The following UPF1 variants were observed in gnomAD, a reference collection of about 807,000 sequenced individuals.
The protein encoded by UPF1 is regulator of nonsense transcripts 1.
UPF1 carries 9 observed loss-of-function variants against 129.2 expected under a neutral mutation model. That is an observed-to-expected ratio of 0.07 (90% CI 0.04 to 0.12). The LOEUF is 0.12. Among genes scored for constraint, UPF1 ranks in the 10% least tolerant of loss-of-function variants. The pLI is 1.00. For missense variants in UPF1, 788 were observed against 1,525.3 expected, an observed-to-expected ratio of 0.52 and a Z score of 8.05; for synonymous variants, 649 against 644.9, an observed-to-expected ratio of 1.01 and a Z score of -0.10.
chr19:18,845,750 C>T (rs557780307), intron 1 of UPF1, among the ~76,000 whole-genome samples: 63 of 151,636 alleles, frequency 4.2e-4, no homozygotes, highest in African/African-American at 1.4e-3. Flanking sequence ...TGTGGCTAGG[C>T]GGGGGTTAGA....
rs1380845771 is a variant in UPF1 at position 18,857,305 on chromosome 19, C to T, written c.1969-15C>T. 2 of 1,603,270 alleles carry T rather than the reference C, an allele frequency of 1.2e-6. No homozygotes were observed. Among genetic ancestry groups the T allele is most frequent in the South Asian group, 2.2e-5 (2 of 89,808 alleles). On this transcript the variant is annotated splice_polypyrimidine_tract_variant and intron_variant, in intron 14 of 23. Coordinates refer to ENST00000262803, the MANE Select transcript of UPF1 (RefSeq NM_002911.4). ...ACCTGAGCTTCTTGACTTGTGGGGG[C>T]CCCTGTTCCTACAGCTGATCCTTGT...
At chr19:18,836,304 G>A (rs1254636941) in intron 1 of UPF1, among the ~76,000 whole-genome samples, 4 of 152,182 alleles carry the variant, frequency 2.6e-5, no homozygotes, top group Non-Finnish European at 5.9e-5. Flanking sequence ...TGTAGCTTCT[G>A]CCCTGGATCC....
At chr19:18,839,045 C>A (rs1482080913) in intron 1 of UPF1, among the ~76,000 whole-genome samples, 1 of 152,148 alleles carries the variant, frequency 6.6e-6, no homozygotes, top group Non-Finnish European at 1.5e-5. Flanking sequence ...TCAGCTACCA[C>A]CACATTTCTC....
rs1395337007 is a variant in UPF1 at position 18,867,209 on chromosome 19, A to G, written c.*692A>G. ...CAAGCCAGCGCTACTGGAGAAGAGG[A>G]GCAACACCTGTGCCGCGGCCGGAGG... On this transcript the variant is annotated 3_prime_UTR_variant, in exon 24 of 24. Coordinates refer to ENST00000262803, the MANE Select transcript of UPF1 (RefSeq NM_002911.4). The G allele has an allele frequency of 6.6e-6, 1 of 152,330 alleles. No individual in the cohort carries two copies. The highest frequency in any genetic ancestry group is 1.5e-5 in the Non-Finnish European group (1 of 68,038). The allele number at this position is 152,330 out of a possible 1,614,324, so 9.4% of individuals were successfully genotyped here.
chr19:18,855,490 G>A (rs988573604), intron 11 of UPF1: 11 of 586,398 alleles, frequency 1.9e-5, no homozygotes, highest in Non-Finnish European at 3.3e-5. Context: ...GGCTGCAGCA[G>A]CGTGAGTTCC....
chr19:18,857,625 C>T lies in UPF1; in HGVS notation c.2182+92C>T, dbSNP rs965669628. ...GAGAAGGAACTGGCCCATCAGCTTC[C>T]CCTGAGCGGCTTCACATAGCCACTG... On this transcript the variant is annotated intron_variant, in intron 15 of 23. Transcript: ENST00000262803. The T allele has an allele frequency of 1.7e-5, 24 of 1,388,164 alleles. No individual in the cohort carries two copies. In the Admixed American group the frequency reaches 4.0e-4, roughly 23 times the overall value. The allele number at this position is 1,388,164 out of a possible 1,614,324, so 86.0% of individuals were successfully genotyped here.
chr19:18,865,970 G>C lies in UPF1; in HGVS notation c.3238-74G>C. The C allele has an allele frequency of 6.2e-7, 1 of 1,600,716 alleles. No individual in the cohort carries two copies. Among genetic ancestry groups the C allele is most frequent in the Non-Finnish European group, 8.5e-7 (1 of 1,176,656 alleles). On this transcript the variant is annotated intron_variant, in intron 22 of 23. Transcript: ENST00000262803. The surrounding 1 kb of genome is among the most constrained non-coding windows in gnomAD (Gnocchi z 6.1). ...GGACGGGTTTTCCATTCTTTTCTCTGGGGCTGCTGAGGGCTGGGTGGATGT... is the reference window on the plus strand; with the variant it reads ...GGACGGGTTTTCCATTCTTTTCTCTCGGGCTGCTGAGGGCTGGGTGGATGT...
rs1325347033 is a variant in UPF1, at chr19:18,855,362, GTCGCCAT to G, written c.1544+121_1544+127del. 3.7e-6 allele frequency: 4 copies of G among 1,068,342 alleles called. No homozygotes were observed. In the African/African-American group the frequency reaches 6.3e-5, roughly 17 times the overall value. 66.2% of individuals were successfully genotyped at this position (1,068,342 alleles called of 1,614,324 possible). A position where few individuals can be genotyped will look rare whatever the true frequency, so the allele number is the denominator to read the frequency against. On this transcript the variant is annotated intron_variant, in intron 11 of 23. Coordinates refer to ENST00000262803, the MANE Select transcript of UPF1 (RefSeq NM_002911.4). ...CCGAAGAGAGCACGTGGCGGGTAGT[GTCGCCAT>G]GGTGCCTACCGCTCTCTATGTGACA...
rs1234732731 is a variant in UPF1, at chr19:18,864,187, C to T, written c.2793C>T (p.Thr931=). ...NTINPGARFM[T]TAMYDAREAI... ...CTTCGCAGGGAGCCCGCTTCATGAC[C>T]ACAGCCATGTATGATGCCCGGGAGG... Residue 931 remains threonine (T), a synonymous_variant, in exon 20 of 24, where the codon ACC becomes ACT. Coordinates refer to ENST00000262803, the MANE Select transcript of UPF1 (RefSeq NM_002911.4). 1.9e-6 allele frequency: 3 copies of T among 1,613,966 alleles called. No homozygotes were observed. Among genetic ancestry groups the T allele is most frequent in the Non-Finnish European group, 2.5e-6 (3 of 1,179,862 alleles).
rs1334146200 is a variant in UPF1, at chr19:18,850,462, A to G, written c.629+220A>G. 6.6e-6 allele frequency among the ~76,000 whole-genome samples: 1 copy of G among 152,280 alleles called. No homozygotes were observed. The highest frequency in any genetic ancestry group is 2.4e-5 in the African/African-American group (1 of 41,480). ...TCTTTTGGGGCGTTCTGGCTAAGTCATAAAAACAATTCTGTAAAAACAAAG... is the reference window on the plus strand; with the variant it reads ...TCTTTTGGGGCGTTCTGGCTAAGTCGTAAAAACAATTCTGTAAAAACAAAG... On this transcript the variant is annotated intron_variant, in intron 4 of 23. Transcript: ENST00000262803. This position sits in a 1 kb window ranked among gnomAD's most constrained non-coding sequence, Gnocchi z 7.1.
At chr19:18,858,979 T>A (rs2055747796) in intron 15 of UPF1, among the ~76,000 whole-genome samples, 1 of 152,216 alleles carries the variant, frequency 6.6e-6, no homozygotes, top group African/African-American at 2.4e-5. Context: ...GTTGGTATTG[T>A]CAGGCCTAGT....
At position 18,865,624 on chromosome 19, in the gene UPF1, C is replaced by T. The variant is rs144073786; in HGVS notation, c.3083C>T (p.Pro1028Leu). The change falls in exon 22 of 24, where the codon CCT becomes CTT. Residue 1028 changes from proline to leucine, a missense_variant. Around this residue, in one of 6 missense-constraint regions of UPF1, gnomAD observed 218 missense variants for 318.1 expected, o/e 0.69. Transcript: ENST00000262803. The surrounding 1 kb of genome is among the most constrained non-coding windows in gnomAD (Gnocchi z 6.1). Reference sequence around the variant, plus strand: ...CGCCAGAAGAACCGCTTTGGGCTTCCTGGACCCAGCCAGACTAACCTCCCC... The same window carrying T: ...CGCCAGAAGAACCGCTTTGGGCTTCTTGGACCCAGCCAGACTAACCTCCCC... The part of the protein sequence containing the change: ...GGRQKNRFGL[P>L]GPSQTNLPNS... 3.2e-5 allele frequency: 52 copies of T among 1,613,822 alleles called. No individual in the cohort carries two copies. In the African/African-American group the frequency reaches 6.7e-4, roughly 21 times the overall value.
At chr19:18,860,533 C>G in intron 16 of UPF1, 95 bp downstream of exon 16, 2 of 1,260,008 alleles carry the variant, frequency 1.6e-6, no homozygotes, top group South Asian at 2.6e-5. Context: ...GGGACTGAAA[C>G]TTTTTTTGCC....
intron 1 of UPF1, among the ~76,000 whole-genome samples, chr19:18,838,487 A>G (rs1294975512): frequency 1.3e-5 from 2 of 152,172 alleles, no homozygotes; most frequent in Non-Finnish European, 1.5e-5. Flanking sequence ...TGTCTCTACT[A>G]AAAATACAAA....
Position 18,863,548 on chromosome 19 carries a change from A to G in UPF1, c.2711A>G (p.Asn904Ser). The G allele has an allele frequency of 1.9e-6, 3 of 1,613,830 alleles. No homozygotes were observed. Among genetic ancestry groups the G allele is most frequent in the East Asian group, 2.2e-5 (1 of 44,878 alleles). Residue 904 changes from asparagine to serine, a missense_variant, in exon 19 of 24, where the codon AAC (asparagine) becomes AGC (serine). Asn to Ser is a conservative substitution (Grantham distance 46). This residue lies in a region of UPF1 where 218 missense variants were observed against 318.1 expected (regional missense o/e 0.69). Transcript: ENST00000262803. ...AAGGTGCTGGTGGAGGGGCCGCTCA[A>G]CAACCTGCGTGAGAGCCTCATGCAG... ...EQKVLVEGPL[N>S]NLRESLMQFS...
chr19:18,864,062 G>A lies in UPF1; in HGVS notation c.2776-108G>A, dbSNP rs1601130982. ...CTCCAGGGAGAGCCCCTGGCACAGTGTCAACACCTCACAGCTGCATACCTG... is the reference window on the plus strand; with the variant it reads ...CTCCAGGGAGAGCCCCTGGCACAGTATCAACACCTCACAGCTGCATACCTG... On this transcript the variant is annotated intron_variant, in intron 19 of 23. Coordinates refer to ENST00000262803, the MANE Select transcript of UPF1 (RefSeq NM_002911.4). 3 of 973,510 alleles carry A rather than the reference G, an allele frequency of 3.1e-6. No homozygotes were observed. The East Asian group carries it at 7.2e-5, about 24-fold the overall frequency. The allele number at this position is 973,510 out of a possible 1,614,324, so 60.3% of individuals were successfully genotyped here.
intron 11 of UPF1, 87 bp downstream of exon 11, chr19:18,855,329 C>T: frequency 6.9e-7 from 1 of 1,450,536 alleles, no homozygotes; most frequent in Non-Finnish European, 9.4e-7. Context: ...GCCTTGGGCT[C>T]TGTCACACCG....
chr19:18,844,685 T>C (rs1022038387), intron 1 of UPF1, among the ~76,000 whole-genome samples: 7 of 152,026 alleles, frequency 4.6e-5, no homozygotes, highest in African/African-American at 1.4e-4. Context: ...CAAAGGACTT[T>C]ATTGGAGTGG....
At chr19:18,834,778 T>G (rs1269803776) in intron 1 of UPF1, among the ~76,000 whole-genome samples, 2 of 152,222 alleles carry the variant, frequency 1.3e-5, no homozygotes. Flanking sequence ...CTAAGATATT[T>G]GGGAAGACTT....
Sources: gnomAD v4.1 joint callset for allele counts (sites outside exome capture counted in the v4.1 genomes callset) on GRCh38, gnomAD v4.1.1 for gene constraint, gnomAD v4.1.1 regional missense constraint, Gnocchi (gnomAD v3.1) non-coding constraint, MANE v1.5 for transcripts, NCBI Gene and HGNC (gene_info 2026-07-23, HGNC 2026-07-21) for gene names.